LPP: variants seen among roughly 807,000 people sequenced by gnomAD.
LPP encodes LIM domain containing preferred translocation partner in lipoma.
In LPP, 38 loss-of-function variants were observed where a neutral mutation model predicts 60.4. The observed-to-expected ratio is 0.63, with a 90% CI of 0.49 to 0.83. The LOEUF (loss-of-function observed/expected upper bound fraction) is 0.83. Among genes scored for constraint, LPP ranks in the 40% least tolerant of loss-of-function variants. LPP has a pLI of 0.00. For synonymous variants in LPP, 328 were observed against 290.8 expected, an observed-to-expected ratio of 1.13 and a Z score of -1.30; for missense variants, 902 against 783.6, an observed-to-expected ratio of 1.15 and a Z score of -1.80.
chr3:188,263,561 C>T, intron 2 of LPP, among the ~76,000 whole-genome samples: 1 of 152,312 alleles, frequency 6.6e-6, no homozygotes, highest in East Asian at 1.9e-4. Flanking sequence ...TGCTCCAGCA[C>T]CAAGCAACAC....
intron 4 of LPP, among the ~76,000 whole-genome samples, chr3:188,467,618 G>T (rs1800805471): frequency 6.6e-6 from 1 of 152,080 alleles, no homozygotes; most frequent in Non-Finnish European, 1.5e-5. Context: ...AAATTATCCT[G>T]GAGTATAAGG....
chr3:188,404,533 T>G (rs1376213011), intron 3 of LPP, among the ~76,000 whole-genome samples: 1 of 152,208 alleles, frequency 6.6e-6, no homozygotes, highest in Non-Finnish European at 1.5e-5. Flanking sequence ...CGTGAGCCAT[T>G]GTGCTTGGCT....
Position 188,783,341 on chromosome 3 carries a change from T to C in LPP, c.1410+23059T>C, listed in dbSNP as rs141078358. Among the ~76,000 whole-genome samples the C allele has an allele frequency of 3.0e-4, 46 of 152,324 alleles. No individual in the cohort carries two copies. The East Asian group carries it at 8.7e-3, about 29-fold the overall frequency. On this transcript the variant is annotated intron_variant, in intron 9 of 11. Coordinates refer to ENST00000617246, the MANE Select transcript of LPP (RefSeq NM_001375462.1). ...AGCGACAGACTGGATAAAGAAAATG[T>C]GGTACATATACCCCACAGAATACTA...
At chr3:188,239,854 A>T (rs6768760) in intron 2 of LPP, 108,939 of 212,874 alleles carry the variant, frequency 0.51, 28,736 homozygotes, top group Middle Eastern at 0.64. Flanking sequence ...AATACAGTCA[A>T]GAGGGCTTGG....
chr3:188,760,995 G>A (rs114255475), intron 9 of LPP, among the ~76,000 whole-genome samples: 166 of 151,686 alleles, frequency 1.1e-3, no homozygotes, highest in Non-Finnish European at 2.0e-3. Context: ...TAATCTACCT[G>A]TTAAACTATT....
At position 188,274,080 on chromosome 3, in the gene LPP, G is replaced by A. The variant is rs1738810221; in HGVS notation, c.-67+48553G>A. Among the ~76,000 whole-genome samples the A allele has an allele frequency of 2.0e-5, 3 of 152,036 alleles. No homozygotes were observed. In the South Asian group the frequency reaches 6.2e-4, roughly 31 times the overall value. On this transcript the variant is annotated intron_variant, in intron 2 of 11. Transcript: ENST00000617246. ...GCTTTTTTCTTAGAGTAAGTTTCTT[G>A]TGTTGGCTTTCTTTTCTCTCTTCTC...
chr3:188,524,061 C>T (rs1819766518), intron 5 of LPP, among the ~76,000 whole-genome samples: 1 of 152,182 alleles, frequency 6.6e-6, no homozygotes, highest in African/African-American at 2.4e-5. Context: ...ATTGTCCATG[C>T]TCACTGCCAC....
intron 3 of LPP, among the ~76,000 whole-genome samples, chr3:188,387,616 G>C (rs1011928201): frequency 6.6e-6 from 1 of 150,478 alleles, no homozygotes; most frequent in Non-Finnish European, 1.5e-5. Context: ...GCCCATGCTG[G>C]AGTGCAGTGG....
intron 5 of LPP, among the ~76,000 whole-genome samples, chr3:188,510,953 T>C (rs1815302485): frequency 6.6e-6 from 1 of 152,148 alleles, no homozygotes; most frequent in African/African-American, 2.4e-5. Context: ...TGCCTTCTAA[T>C]ATGGACATTT....
rs571181733 is a variant in LPP at position 188,356,002 on chromosome 3, C to T, written c.-10+14283C>T. On this transcript the variant is annotated intron_variant, in intron 3 of 11. Coordinates refer to ENST00000617246, the MANE Select transcript of LPP (RefSeq NM_001375462.1). ...TAGAGTGGTTTGATTTTGTGCCTGA[C>T]GCATTTATGGATAGTAGCTTAAAAA... 2.3e-4 allele frequency among the ~76,000 whole-genome samples: 35 copies of T among 152,242 alleles called. No individual in the cohort carries two copies. The East Asian group carries it at 2.7e-3, about 12-fold the overall frequency.
At chr3:188,227,043 G>A (rs554018803) in intron 2 of LPP, among the ~76,000 whole-genome samples, 12 of 152,170 alleles carry the variant, frequency 7.9e-5, no homozygotes, top group African/African-American at 2.6e-4. Context: ...TTTTTTCAGT[G>A]TTTATAATTA....
chr3:188,615,934 T>G (rs1844764784), intron 7 of LPP, among the ~76,000 whole-genome samples: 1 of 152,172 alleles, frequency 6.6e-6, no homozygotes. Context: ...GATGAGGTTG[T>G]TTGTTTTTCT....
chr3:188,754,061 A>T (rs545054094), intron 8 of LPP, among the ~76,000 whole-genome samples: 2 of 152,332 alleles, frequency 1.3e-5, no homozygotes, highest in East Asian at 1.9e-4. Context: ...GTGAGAACTC[A>T]GTTTGATGTA....
At chr3:188,255,560 G>A (rs1731383422) in intron 2 of LPP, among the ~76,000 whole-genome samples, 1 of 152,160 alleles carries the variant, frequency 6.6e-6, no homozygotes, top group South Asian at 2.1e-4. Context: ...ACATTGTAAT[G>A]GTTAGTTGTA....
intron 3 of LPP, among the ~76,000 whole-genome samples, chr3:188,368,270 C>A (rs1771811481): frequency 6.6e-6 from 1 of 152,108 alleles, no homozygotes; most frequent in South Asian, 2.1e-4. Context: ...ATCAAAGGCA[C>A]AAATATGGGT....
chr3:188,708,172 T>C, intron 7 of LPP, 95 bp from the exon 8 acceptor site: 1 of 1,433,690 alleles, frequency 7.0e-7, no homozygotes, highest in Middle Eastern at 2.5e-4. Flanking sequence ...TCCAGTGCTT[T>C]TTCCTCTCCA....
At chr3:188,232,504 A>ATTTTTTTTTTTTTTTTTTTTTT (rs71634069) in intron 2 of LPP, among the ~76,000 whole-genome samples, 1 of 103,234 alleles carries the variant, frequency 9.7e-6, no homozygotes. Flanking sequence ...ACACCCGGCT[A>ATTTTTTTTTTTTTTTTTTTTTT]TTTTTTTTTT....
At chr3:188,526,267 C>T (rs1162331841) in intron 6 of LPP, among the ~76,000 whole-genome samples, 1 of 148,218 alleles carries the variant, frequency 6.7e-6, no homozygotes, top group Non-Finnish European at 1.5e-5. Context: ...CTTAACTGCT[C>T]ATAAGGTGGC....
intron 7 of LPP, among the ~76,000 whole-genome samples, chr3:188,692,230 G>A (rs1862283253): frequency 6.6e-6 from 1 of 152,220 alleles, no homozygotes; most frequent in Non-Finnish European, 1.5e-5. Context: ...GACAGCTGCT[G>A]TCATGCAGCC....
Sources: gnomAD v4.1 joint callset for allele counts (sites outside exome capture counted in the v4.1 genomes callset) on GRCh38, gnomAD v4.1.1 for gene constraint, MANE v1.5 for transcripts, NCBI Gene and HGNC (gene_info 2026-07-23, HGNC 2026-07-21) for gene names.